The following PEX14 variants were observed in gnomAD, a reference collection of about 807,000 sequenced individuals.
PEX14 encodes the protein peroxisomal biogenesis factor 14, also known as peroxisomal membrane protein PEX14.
A neutral mutation model predicts 49.5 loss-of-function variants in PEX14; 15 were observed. The observed-to-expected ratio is 0.30, with a 90% CI of 0.20 to 0.47. The LOEUF is 0.47. Among genes scored for constraint, PEX14 ranks in the 20% least tolerant of loss-of-function variants. PEX14 has a pLI of 1.00. For missense variants in PEX14, 398 were observed against 494.8 expected (o/e 0.80, Z 1.86); for synonymous variants, 210 against 212.7 (o/e 0.99, Z 0.11).
At position 10,487,481 on chromosome 1, in the gene PEX14, C is replaced by CTTTTTTTTTTTTTTTTT. The variant is rs33968565; in HGVS notation, c.37-7787_37-7771dup. On this transcript the variant is annotated intron_variant, in intron 1 of 8. Coordinates refer to ENST00000356607, the MANE Select transcript of PEX14 (RefSeq NM_004565.3). ...ATACTTTATTACTTTTTCTTTCTTT[C>CTTTTTTTTTTTTTTTTT]TTTTTTTTTTTTTTTTTTTTTTGAG... is the stretch of plus-strand genomic sequence containing the variant. 3.8e-4 allele frequency among the ~76,000 whole-genome samples: 33 copies of CTTTTTTTTTTTTTTTTT among 86,756 alleles called. 1 individual carries two copies. Among genetic ancestry groups the CTTTTTTTTTTTTTTTTT allele is most frequent in the African/African-American group, 5.2e-4 (12 of 22,874 alleles). The allele number at this position is 86,756 out of a possible 152,430, so 56.9% of individuals were successfully genotyped here. A position where few individuals can be genotyped will look rare whatever the true frequency, so the allele number is the denominator to read the frequency against.
chr1:10,495,395 C>G lies in PEX14; in HGVS notation c.84+74C>G. ...CGCGAGTGAAAAGAAACCTTCTGTTCCTATGGTTCTGCGTCAGTAGTGTCC... is the reference window on the plus strand; with the variant it reads ...CGCGAGTGAAAAGAAACCTTCTGTTGCTATGGTTCTGCGTCAGTAGTGTCC... On this transcript the variant is annotated intron_variant, in intron 2 of 8. Transcript: ENST00000356607. The surrounding 1 kb of genome is among the most constrained non-coding windows in gnomAD (Gnocchi z 4.2). 8.2e-7 allele frequency: 1 copy of G among 1,226,766 alleles called. No homozygotes were observed. The highest frequency in any genetic ancestry group is 1.2e-6 in the Non-Finnish European group (1 of 840,796). 76.0% of individuals were successfully genotyped at this position (1,226,766 alleles called of 1,614,324 possible).
intron 3 of PEX14, among the ~76,000 whole-genome samples, chr1:10,557,946 C>T (rs1199418088): frequency 6.6e-6 from 1 of 151,912 alleles, no homozygotes; most frequent in Non-Finnish European, 1.5e-5. Context: ...TGGATAGTCT[C>T]AGCACCATTT....
chr1:10,515,467 C>T (rs1034364466), intron 2 of PEX14, among the ~76,000 whole-genome samples: 1 of 152,122 alleles, frequency 6.6e-6, no homozygotes, highest in African/African-American at 2.4e-5. Context: ...GTCCCAGGAT[C>T]GATGGGTGAT....
At chr1:10,531,533 G>T (rs1440004494) in intron 2 of PEX14, among the ~76,000 whole-genome samples, 1 of 152,092 alleles carries the variant, frequency 6.6e-6, no homozygotes. Context: ...TCTGAGCAGC[G>T]CACGTGGAGC....
rs143424033 is a variant in PEX14, at chr1:10,626,992, C to T, written c.586-280C>T. The stretch of plus-strand genomic sequence containing the variant: ...ACTTCATACCGCACCCGCACGCCTC[C>T]GCATGTCTCTAAAAGACGCCCACGA... On this transcript the variant is annotated intron_variant, in intron 7 of 8. Coordinates refer to ENST00000356607, the MANE Select transcript of PEX14 (RefSeq NM_004565.3). Among the ~76,000 whole-genome samples the T allele has an allele frequency of 1.3e-3, 192 of 152,324 alleles. 1 individual carries two copies. In the South Asian group the frequency reaches 0.02, roughly 16 times the overall value.
intron 4 of PEX14, among the ~76,000 whole-genome samples, chr1:10,608,344 C>T (rs1261859205): frequency 7.2e-5 from 11 of 152,222 alleles, no homozygotes; most frequent in African/African-American, 1.2e-4. Context: ...TTATCTTATC[C>T]GCATTGAGTT....
At position 10,547,574 on chromosome 1, in the gene PEX14, T is replaced by C. The variant is rs576483178; in HGVS notation, c.169+11277T>C. On this transcript the variant is annotated intron_variant, in intron 3 of 8. Coordinates refer to ENST00000356607, the MANE Select transcript of PEX14 (RefSeq NM_004565.3). ...TTTTCTTATGCTTGCATACCTTTGG[T>C]AAAGTTTAATTTATAAGTTAGGTAC... 8.5e-5 allele frequency among the ~76,000 whole-genome samples: 13 copies of C among 152,300 alleles called. 1 individual carries two copies. In the South Asian group the frequency reaches 1.2e-3, roughly 15 times the overall value.
chr1:10,503,839 T>C (rs1641731069), intron 2 of PEX14, among the ~76,000 whole-genome samples: 2 of 152,146 alleles, frequency 1.3e-5, no homozygotes, highest in Admixed American at 1.3e-4. Flanking sequence ...GTTCAAGTGA[T>C]TCTCATGCCT....
intron 3 of PEX14, among the ~76,000 whole-genome samples, chr1:10,549,820 G>T (rs12063765): frequency 0.11 from 16,298 of 152,186 alleles, 957 homozygotes; most frequent in Non-Finnish European, 0.12. Context: ...TTGGATCAGG[G>T]ATGCTCAACC....
rs535862942 is a variant in PEX14, at chr1:10,479,496, C to T, written c.36+4494C>T. 2.3e-4 allele frequency among the ~76,000 whole-genome samples: 35 copies of T among 152,302 alleles called. No individual in the cohort carries two copies. The South Asian group carries it at 6.2e-3, about 27-fold the overall frequency. The stretch of plus-strand genomic sequence containing the variant: ...TTTCTAGTGTGTACACGTTGGAGCC[C>T]GTAGGAATGAGAAACGTTATCTCTA... On this transcript the variant is annotated intron_variant, in intron 1 of 8. Transcript: ENST00000356607.
chr1:10,577,933 G>A (rs900663213), intron 3 of PEX14, among the ~76,000 whole-genome samples: 1 of 151,706 alleles, frequency 6.6e-6, no homozygotes, highest in Non-Finnish European at 1.5e-5. Flanking sequence ...GAGTGAATTT[G>A]ATTCTTGAAA....
At chr1:10,561,339 CTT>C (rs1440717402) in intron 3 of PEX14, among the ~76,000 whole-genome samples, 1 of 152,222 alleles carries the variant, frequency 6.6e-6, no homozygotes, top group Non-Finnish European at 1.5e-5. Context: ...TGCCATGTCT[CTT>C]TATCTAGAAC....
intron 4 of PEX14, among the ~76,000 whole-genome samples, chr1:10,601,577 G>A (rs779968170): frequency 6.6e-6 from 1 of 152,238 alleles, no homozygotes; most frequent in Non-Finnish European, 1.5e-5. Context: ...GCCAGGGAGT[G>A]TGTGCTCAAG....
At chr1:10,569,386 TC>T (rs1282146255) in intron 3 of PEX14, among the ~76,000 whole-genome samples, 1 of 152,170 alleles carries the variant, frequency 6.6e-6, no homozygotes, top group Non-Finnish European at 1.5e-5. Flanking sequence ...CTCGGCACCA[TC>T]AAAGACATCA....
intron 3 of PEX14, among the ~76,000 whole-genome samples, chr1:10,585,282 C>T (rs1226505455): frequency 1.3e-5 from 2 of 151,998 alleles, no homozygotes; most frequent in African/African-American, 4.8e-5. Flanking sequence ...TAGAGAAATC[C>T]ATCAGAAACC....
At chr1:10,569,504 C>T (rs1018659034) in intron 3 of PEX14, among the ~76,000 whole-genome samples, 39 of 152,152 alleles carry the variant, frequency 2.6e-4, no homozygotes, top group African/African-American at 9.4e-4. Flanking sequence ...CAGCCTTTCC[C>T]GATGACTCTG....
intron 3 of PEX14, among the ~76,000 whole-genome samples, chr1:10,583,441 T>C (rs1044372440): frequency 6.6e-6 from 1 of 150,820 alleles, no homozygotes; most frequent in Non-Finnish European, 1.5e-5. Flanking sequence ...AGGCTGGTCT[T>C]GAACTCCTGT....
chr1:10,510,550 C>G (rs913826812), intron 2 of PEX14, among the ~76,000 whole-genome samples: 37 of 152,068 alleles, frequency 2.4e-4, no homozygotes, highest in African/African-American at 8.9e-4. Context: ...TTTTAGGTGC[C>G]AAAGTAGGAA....
intron 4 of PEX14, among the ~76,000 whole-genome samples, chr1:10,605,245 C>T (rs977538344): frequency 6.6e-6 from 1 of 152,006 alleles, no homozygotes; most frequent in South Asian, 2.1e-4. Context: ...GGTGGTCGGT[C>T]GGTGATACGG....
Sources: gnomAD v4.1 joint callset for allele counts (sites outside exome capture counted in the v4.1 genomes callset) on GRCh38, gnomAD v4.1.1 for gene constraint, Gnocchi (gnomAD v3.1) non-coding constraint, MANE v1.5 for transcripts, NCBI Gene and HGNC (gene_info 2026-07-23, HGNC 2026-07-21) for gene names.